STK4: variants seen among roughly 807,000 people sequenced by gnomAD.
STK4 encodes serine/threonine-protein kinase 4.
A neutral mutation model predicts 64.9 loss-of-function variants in STK4; 30 were observed. That is an observed-to-expected ratio of 0.46 (90% CI 0.35 to 0.63). STK4 has a LOEUF of 0.63. STK4 is among the 20% of genes least tolerant of loss of function. The pLI is 0.01. For missense variants in STK4, 466 were observed against 598.5 expected (o/e 0.78, Z 2.31); for synonymous variants, 177 against 199.0 (o/e 0.89, Z 0.93).
At chr20:45,000,598 A>G (rs1278350594) in intron 8 of STK4, 78 bp downstream of exon 8, 16 of 1,585,846 alleles carry the variant, frequency 1.0e-5, no homozygotes, top group Non-Finnish European at 1.4e-5. Context: ...TAAGATGAGT[A>G]GGAGGTATTG....
chr20:45,065,804 A>T (rs78831207), intron 10 of STK4, among the ~76,000 whole-genome samples: 1,977 of 149,492 alleles, frequency 0.013, 42 homozygotes, highest in African/African-American at 0.042. Context: ...TTATTTATTT[A>T]TTTTTTTTCA....
At chr20:45,067,927 T>C (rs1979723077) in intron 10 of STK4, among the ~76,000 whole-genome samples, 1 of 152,186 alleles carries the variant, frequency 6.6e-6, no homozygotes, top group Admixed American at 6.5e-5. Flanking sequence ...GTGTATGTGG[T>C]ATGTGTCCTG....
intron 9 of STK4, among the ~76,000 whole-genome samples, chr20:45,002,626 A>T (rs1040907353): frequency 6.6e-6 from 1 of 152,232 alleles, no homozygotes; most frequent in Non-Finnish European, 1.5e-5. Context: ...ATTTATCATT[A>T]TGGAAAATTA....
Position 44,999,826 on chromosome 20 carries a change from T to A in STK4, c.832-566T>A, listed in dbSNP as rs536432898. Reference sequence around the variant, plus strand: ...AGAAAGAACAAGTCAGATGAGTAGATTTTTCAGTGATTTCTAAATAATTTC... The same window carrying A: ...AGAAAGAACAAGTCAGATGAGTAGAATTTTCAGTGATTTCTAAATAATTTC... On this transcript the variant is annotated intron_variant, in intron 7 of 10. Coordinates refer to ENST00000372806, the MANE Select transcript of STK4 (RefSeq NM_006282.5). Among the ~76,000 whole-genome samples the A allele has an allele frequency of 8.3e-4, 127 of 152,316 alleles. 1 individual carries two copies. Among genetic ancestry groups the A allele is most frequent in the South Asian group, 4.1e-3 (20 of 4,828 alleles).
chr20:45,026,128 G>GGTTTTTTTTTTTTTT (rs1490924969), intron 10 of STK4, among the ~76,000 whole-genome samples: 9 of 128,962 alleles, frequency 7.0e-5, no homozygotes, highest in African/African-American at 2.7e-4. Flanking sequence ...TTATCCAGTG[G>GGTTTTTTTTTTTTTT]TTTTTTTTTT....
chr20:44,978,111 C>T (rs949227495), intron 2 of STK4, among the ~76,000 whole-genome samples: 1 of 152,212 alleles, frequency 6.6e-6, no homozygotes, highest in Non-Finnish European at 1.5e-5. Context: ...TAGGGATAGT[C>T]ATCTCATCTT....
At chr20:44,980,931 G>A (rs530841727) in intron 3 of STK4, among the ~76,000 whole-genome samples, 63 of 152,264 alleles carry the variant, frequency 4.1e-4, no homozygotes, top group African/African-American at 1.4e-3. Context: ...GCCTCCCAAA[G>A]TGCTGGGATT....
chr20:45,029,352 G>A (rs1156471243), intron 10 of STK4, among the ~76,000 whole-genome samples: 1 of 152,014 alleles, frequency 6.6e-6, no homozygotes, highest in Non-Finnish European at 1.5e-5. Flanking sequence ...TAAATTGTTT[G>A]GATTTATATA....
At position 45,065,433 on chromosome 20, in the gene STK4, G is replaced by A. The variant is rs6031967; in HGVS notation, c.1306-9585G>A. The stretch of plus-strand genomic sequence containing the variant: ...TTTTTGTTTTTGTTTTTGTTTTTTG[G>A]TGGTTGTTGTTGTTGTATCTCTGTC... On this transcript the variant is annotated intron_variant, in intron 10 of 10. Coordinates refer to ENST00000372806, the MANE Select transcript of STK4 (RefSeq NM_006282.5). 4.0e-3 allele frequency among the ~76,000 whole-genome samples: 611 copies of A among 152,054 alleles called. 5 individuals carry two copies. The highest frequency in any genetic ancestry group is 0.014 in the African/African-American group (575 of 41,482).
Position 45,022,146 on chromosome 20 carries a change from T to A in STK4, c.1148-2827T>A, listed in dbSNP as rs960887587. Among the ~76,000 whole-genome samples, 11 of 152,316 alleles carry A rather than the reference T, an allele frequency of 7.2e-5. No homozygotes were observed. In the South Asian group the frequency reaches 2.1e-3, roughly 29 times the overall value. On this transcript the variant is annotated intron_variant, in intron 9 of 10. Coordinates refer to ENST00000372806, the MANE Select transcript of STK4 (RefSeq NM_006282.5). ...TCTGTCTCCAAAATCAACTTTAGCT[T>A]TTTGGCAATCTGATAAATGTAACAT...
rs184811703 is a variant in STK4 at position 44,981,771 on chromosome 20, T to C, written c.246-58T>C. The C allele has an allele frequency of 3.9e-4, 390 of 998,448 alleles. 2 individuals are homozygous for C. Among genetic ancestry groups the C allele is most frequent in the Admixed American group, 1.8e-3 (100 of 54,952 alleles). The allele number at this position is 998,448 out of a possible 1,614,324, so 61.8% of individuals were successfully genotyped here. A position where few individuals can be genotyped will look rare whatever the true frequency, so the allele number is the denominator to read the frequency against. ...ATTAATTTGTATATACTTGCTAGCA[T>C]GAATTAAGAGATATTTGAAGGCCAT... On this transcript the variant is annotated intron_variant, in intron 3 of 10. Transcript: ENST00000372806.
chr20:45,048,793 T>G (rs1339660218), intron 10 of STK4, among the ~76,000 whole-genome samples: 1 of 152,136 alleles, frequency 6.6e-6, no homozygotes, highest in Admixed American at 6.5e-5. Context: ...TGATATTTAT[T>G]TTATACCTAA....
intron 2 of STK4, among the ~76,000 whole-genome samples, chr20:44,976,254 A>G (rs1365653099): frequency 1.3e-5 from 2 of 152,264 alleles, no homozygotes; most frequent in East Asian, 1.9e-4. Context: ...ACATGCAGAA[A>G]TACAGTGTTG....
chr20:45,035,503 T>C (rs965304613), intron 10 of STK4, among the ~76,000 whole-genome samples: 1 of 152,204 alleles, frequency 6.6e-6, no homozygotes. Flanking sequence ...AAATTTCCTA[T>C]TTATTCAAAT....
rs1327433472 is a variant in STK4, at chr20:45,076,817, T to G, written c.*1641T>G. 1.3e-5 allele frequency: 2 copies of G among 152,234 alleles called. No homozygotes were observed. The highest frequency in any genetic ancestry group is 2.9e-5 in the Non-Finnish European group (2 of 68,044). The allele number at this position is 152,234 out of a possible 1,614,324, so 9.4% of individuals were successfully genotyped here. ...TGGGAATCAATGGAAAGGCAGGGAA[T>G]GTGCCTCTTCTGTGGCCAGATTCTG... On this transcript the variant is annotated 3_prime_UTR_variant, in exon 11 of 11. Coordinates refer to ENST00000372806, the MANE Select transcript of STK4 (RefSeq NM_006282.5). The surrounding 1 kb of genome is among the most constrained non-coding windows in gnomAD (Gnocchi z 4.0).
Position 44,985,394 on chromosome 20 carries a change from C to T in STK4, c.361-1738C>T, listed in dbSNP as rs1008217207. 6.6e-5 allele frequency among the ~76,000 whole-genome samples: 10 copies of T among 152,122 alleles called. No homozygotes were observed. In the East Asian group the frequency reaches 1.9e-3, roughly 29 times the overall value. On this transcript the variant is annotated intron_variant, in intron 4 of 10. Coordinates refer to ENST00000372806, the MANE Select transcript of STK4 (RefSeq NM_006282.5). ...ACAGAGTCTGGCTGTGTCACTCAGGCTGGAGTGCACACAATCTCAGCTCAC... is the reference window on the plus strand; with the variant it reads ...ACAGAGTCTGGCTGTGTCACTCAGGTTGGAGTGCACACAATCTCAGCTCAC...
intron 10 of STK4, among the ~76,000 whole-genome samples, chr20:45,049,983 T>G (rs527768188): frequency 2.6e-5 from 4 of 152,292 alleles, no homozygotes; most frequent in African/African-American, 7.2e-5. Context: ...AAGCTTCAAG[T>G]TAGACTAGAT....
intron 3 of STK4, among the ~76,000 whole-genome samples, chr20:44,980,654 T>G (rs1264491543): frequency 6.6e-6 from 1 of 152,210 alleles, no homozygotes; most frequent in East Asian, 1.9e-4. Context: ...ACTTTTCCCT[T>G]TGGAGAAATC....
At chr20:44,995,024 G>T (rs2067702583) in intron 5 of STK4, 66 bp from the exon 6 acceptor site, 1,022 of 906,424 alleles carry the variant, frequency 1.1e-3, no homozygotes, top group Middle Eastern at 1.5e-3. Flanking sequence ...TTTCTCTGTA[G>T]ACTTCCTCTG....
Sources: gnomAD v4.1 joint callset for allele counts (sites outside exome capture counted in the v4.1 genomes callset) on GRCh38, gnomAD v4.1.1 for gene constraint, Gnocchi (gnomAD v3.1) non-coding constraint, MANE v1.5 for transcripts, NCBI Gene and HGNC (gene_info 2026-07-23, HGNC 2026-07-21) for gene names.